The following DLG2 variants were observed in gnomAD, a reference collection of about 807,000 sequenced individuals.
The protein encoded by DLG2 is discs large MAGUK scaffold protein 2.
A neutral mutation model predicts 132.5 loss-of-function variants in DLG2; 45 were observed. The ratio of observed to expected loss-of-function variants is 0.34; its 90% CI spans 0.27 to 0.44. The LOEUF (loss-of-function observed/expected upper bound fraction) is 0.44. DLG2 is among the 20% of genes least tolerant of loss of function. DLG2 has a pLI of 1.00. For synonymous variants in DLG2, 424 were observed against 419.6 expected (o/e 1.01, Z -0.13); for missense variants, 1,045 against 1,196.9 (o/e 0.87, Z 1.87).
chr11:84,683,325 G>A (rs2099735179), intron 6 of DLG2, among the ~76,000 whole-genome samples: 1 of 152,194 alleles, frequency 6.6e-6, no homozygotes, highest in Non-Finnish European at 1.5e-5. Flanking sequence ...TCCTATGCCT[G>A]TGGGTTGATG....
Position 85,541,244 on chromosome 11 carries a change from A to C in DLG2, c.40+57413T>G, listed in dbSNP as rs2075948426. Among the ~76,000 whole-genome samples, 5 of 152,162 alleles carry C rather than the reference A, an allele frequency of 3.3e-5. No individual in the cohort carries two copies. In the South Asian group the frequency reaches 1.0e-3, roughly 31 times the overall value. On this transcript the variant is annotated intron_variant, in intron 3 of 27. Coordinates refer to ENST00000376104, the MANE Select transcript of DLG2 (RefSeq NM_001142699.3). ...AAAAATAATTATTGAGACCACTGCT[A>C]ATCTGAGTATAAATTATTTAATACT...
intron 6 of DLG2, among the ~76,000 whole-genome samples, chr11:84,919,683 G>GA (rs1398006806): frequency 2.6e-5 from 4 of 151,974 alleles, no homozygotes; most frequent in Non-Finnish European, 5.9e-5. Context: ...TAGTAGCAAT[G>GA]AAAAAAGGGA....
chr11:84,196,482 A>G (rs1041597670), intron 8 of DLG2, among the ~76,000 whole-genome samples: 2 of 152,210 alleles, frequency 1.3e-5, no homozygotes, highest in African/African-American at 2.4e-5. Context: ...AAGAAGAAAT[A>G]CTACTGAGGA....
intron 8 of DLG2, among the ~76,000 whole-genome samples, chr11:84,242,456 A>G (rs1222719993): frequency 6.6e-6 from 1 of 150,610 alleles, no homozygotes; most frequent in Non-Finnish European, 1.5e-5. Context: ...CCCAGGCTGG[A>G]GTGCAATGGC....
chr11:84,327,231 A>G lies in DLG2; in HGVS notation c.520-75940T>C, dbSNP rs964428462. 2.0e-5 allele frequency among the ~76,000 whole-genome samples: 3 copies of G among 149,356 alleles called. No homozygotes were observed. The Admixed American group carries it at 2.0e-4, about 10-fold the overall frequency. On this transcript the variant is annotated intron_variant, in intron 7 of 27. Coordinates refer to ENST00000376104, the MANE Select transcript of DLG2 (RefSeq NM_001142699.3). ...TCCTGGTAGCAGGGATTACAGGCAC[A>G]CACCACCATGCCCGGCTAATTTTTG...
At chr11:84,566,805 G>C (rs1169326704) in intron 6 of DLG2, among the ~76,000 whole-genome samples, 1 of 152,098 alleles carries the variant, frequency 6.6e-6, no homozygotes, top group Non-Finnish European at 1.5e-5. Context: ...GTGGATTGCA[G>C]GATAAATTTT....
At chr11:85,505,645 A>G (rs1413190882) in intron 3 of DLG2, among the ~76,000 whole-genome samples, 2 of 152,146 alleles carry the variant, frequency 1.3e-5, no homozygotes, top group Non-Finnish European at 2.9e-5. Flanking sequence ...GGATTTTTGC[A>G]TTGATGTTCA....
At chr11:83,749,239 G>T (rs2093142592) in intron 18 of DLG2, among the ~76,000 whole-genome samples, 2 of 152,130 alleles carry the variant, frequency 1.3e-5, no homozygotes, top group South Asian at 4.1e-4. Context: ...CAACCTTTTT[G>T]CCTTTCTTTT....
intron 6 of DLG2, among the ~76,000 whole-genome samples, chr11:84,675,423 G>A (rs1213843555): frequency 6.6e-6 from 1 of 152,068 alleles, no homozygotes; most frequent in Non-Finnish European, 1.5e-5. Flanking sequence ...ACCTTTCTCA[G>A]GGATTCGAAG....
intron 6 of DLG2, among the ~76,000 whole-genome samples, chr11:85,096,205 C>T (rs570441900): frequency 9.7e-4 from 148 of 152,290 alleles, no homozygotes; most frequent in Non-Finnish European, 1.3e-3. Flanking sequence ...TAAAAGCTGG[C>T]CACCCGCGCC....
intron 6 of DLG2, among the ~76,000 whole-genome samples, chr11:85,029,583 C>G (rs1461124558): frequency 6.6e-6 from 1 of 152,204 alleles, no homozygotes; most frequent in African/African-American, 2.4e-5. Context: ...TTAGGCCCCT[C>G]CAATGTGTGG....
chr11:84,282,895 T>C (rs530491342), intron 7 of DLG2, among the ~76,000 whole-genome samples: 44 of 152,310 alleles, frequency 2.9e-4, no homozygotes, highest in African/African-American at 1.0e-3. Flanking sequence ...TTCAGAGCCA[T>C]AACTCAATGA....
chr11:83,860,309 G>A (rs1337351277), intron 16 of DLG2, among the ~76,000 whole-genome samples: 2 of 152,148 alleles, frequency 1.3e-5, no homozygotes, highest in African/African-American at 2.4e-5. Context: ...AAGCAGCTGG[G>A]AGGGAGGCTG....
intron 2 of DLG2, among the ~76,000 whole-genome samples, chr11:85,618,011 T>A (rs2081455560): frequency 6.6e-6 from 1 of 152,154 alleles, no homozygotes; most frequent in Non-Finnish European, 1.5e-5. Flanking sequence ...ATAAAGGAGG[T>A]CAGGAGAATC....
intron 16 of DLG2, among the ~76,000 whole-genome samples, chr11:83,863,992 G>A (rs1023360170): frequency 6.6e-6 from 1 of 152,132 alleles, no homozygotes; most frequent in African/African-American, 2.4e-5. Context: ...TTGACCACAG[G>A]AGAATTCTCC....
chr11:85,166,155 C>CAT (rs1267511761), intron 4 of DLG2, among the ~76,000 whole-genome samples: 1 of 152,112 alleles, frequency 6.6e-6, no homozygotes, highest in Non-Finnish European at 1.5e-5. Flanking sequence ...TATTCAGAAA[C>CAT]ATCTCTCTCT....
In DLG2 at chr11:85,592,551, T is replaced by C. The variant is rs143307431; in HGVS notation, c.40+6106A>G. On this transcript the variant is annotated intron_variant, in intron 3 of 27. Coordinates refer to ENST00000376104, the MANE Select transcript of DLG2 (RefSeq NM_001142699.3). ...AGAGATACTTATTGTAACAGAATTC[T>C]ATCCATAGAATAATTATTGTAACAT... is the stretch of plus-strand genomic sequence containing the variant. Among the ~76,000 whole-genome samples the C allele has an allele frequency of 2.8e-3, 423 of 152,368 alleles. 2 individuals carry two copies. The highest frequency in any genetic ancestry group is 4.0e-3 in the Admixed American group (61 of 15,302).
chr11:85,032,207 A>G (rs1486921269), intron 6 of DLG2, among the ~76,000 whole-genome samples: 1 of 152,086 alleles, frequency 6.6e-6, no homozygotes, highest in African/African-American at 2.4e-5. Flanking sequence ...TATTGTCCCA[A>G]CAATAATCCA....
At chr11:84,976,529 T>A (rs997876226) in intron 6 of DLG2, among the ~76,000 whole-genome samples, 2 of 152,180 alleles carry the variant, frequency 1.3e-5, no homozygotes, top group Admixed American at 6.5e-5. Context: ...TTAATATTTT[T>A]AAATTTTCTT....
Sources: gnomAD v4.1 joint callset for allele counts (sites outside exome capture counted in the v4.1 genomes callset) on GRCh38, gnomAD v4.1.1 for gene constraint, MANE v1.5 for transcripts, NCBI Gene and HGNC (gene_info 2026-07-23, HGNC 2026-07-21) for gene names.